The following SPIDR variants were observed in gnomAD, a reference collection of about 807,000 sequenced individuals.
The protein encoded by SPIDR is scaffold protein involved in DNA repair.
Under a neutral mutation model 104.6 loss-of-function variants are expected in SPIDR, and 93 were observed. That is an observed-to-expected ratio of 0.89 (90% CI 0.75 to 1.06). The LOEUF is 1.06. Ranked by LOEUF, SPIDR falls within the 50% of genes least tolerant of loss-of-function variation. The pLI is 0.00. For missense variants in SPIDR, 1,154 were observed against 1,111.2 expected (o/e 1.04, Z -0.55); for synonymous variants, 431 against 416.9 (o/e 1.03, Z -0.41).
At chr8:47,371,488 G>A (rs1030127581) in intron 5 of SPIDR, among the ~76,000 whole-genome samples, 1 of 152,076 alleles carries the variant, frequency 6.6e-6, no homozygotes, top group Non-Finnish European at 1.5e-5. Context: ...TTCTGGTGAG[G>A]GCCCTTTTCC....
chr8:47,697,576 G>A (rs533850175), intron 11 of SPIDR, among the ~76,000 whole-genome samples: 100 of 152,250 alleles, frequency 6.6e-4, no homozygotes, highest in African/African-American at 2.0e-3. Flanking sequence ...CCCTCCTCCC[G>A]CCTCCAGGAG....
intron 11 of SPIDR, among the ~76,000 whole-genome samples, chr8:47,695,797 A>G (rs781392854): frequency 3.3e-5 from 5 of 152,264 alleles, no homozygotes; most frequent in Non-Finnish European, 5.9e-5. Flanking sequence ...AACACCAGCT[A>G]TAATGAGGCC....
chr8:47,402,078 T>C (rs1358784254), intron 6 of SPIDR, among the ~76,000 whole-genome samples: 4 of 152,186 alleles, frequency 2.6e-5, no homozygotes, highest in Non-Finnish European at 5.9e-5. Flanking sequence ...CACCACATAG[T>C]TGGAAGTAAA....
At chr8:47,580,019 C>T (rs780855661) in intron 8 of SPIDR, among the ~76,000 whole-genome samples, 2 of 152,188 alleles carry the variant, frequency 1.3e-5, no homozygotes, top group African/African-American at 4.8e-5. Context: ...TATTTAACCT[C>T]CTCCGAAGAT....
Position 47,677,420 on chromosome 8 carries a change from G to A in SPIDR, c.1685+3479G>A, listed in dbSNP as rs184347272. Among the ~76,000 whole-genome samples the A allele has an allele frequency of 2.6e-5, 4 of 152,256 alleles. No homozygotes were observed. The East Asian group carries it at 7.7e-4, about 29-fold the overall frequency. ...TAACAAATTATTTTGTGGGGAGTGG[G>A]GAAAGGAGACCTCTTTCAGTTCAAA... On this transcript the variant is annotated intron_variant, in intron 11 of 19. Transcript: ENST00000297423.
Position 47,483,129 on chromosome 8 carries a change from T to G in SPIDR, c.1097+42587T>G, listed in dbSNP as rs186170962. 1.9e-4 allele frequency among the ~76,000 whole-genome samples: 28 copies of G among 143,600 alleles called. 1 individual carries two copies. Among genetic ancestry groups the G allele is most frequent in the African/African-American group, 6.4e-4 (26 of 40,354 alleles). The allele number at this position is 143,600 out of a possible 152,430, so 94.2% of individuals were successfully genotyped here. On this transcript the variant is annotated intron_variant, in intron 8 of 19. Coordinates refer to ENST00000297423, the MANE Select transcript of SPIDR (RefSeq NM_001080394.4). Reference sequence around the variant, plus strand: ...CATTCAGAGAGTCATAGCTACTTGGTTTTTTTTTGTTTGTTTTGTTTTGTT... The same window carrying G: ...CATTCAGAGAGTCATAGCTACTTGGGTTTTTTTTGTTTGTTTTGTTTTGTT...
chr8:47,496,900 T>C (rs1376980178), intron 8 of SPIDR, among the ~76,000 whole-genome samples: 3 of 152,098 alleles, frequency 2.0e-5, no homozygotes, highest in African/African-American at 7.2e-5. Flanking sequence ...TTTATTCAGA[T>C]TTTTAATTTC....
intron 8 of SPIDR, among the ~76,000 whole-genome samples, chr8:47,483,138 G>GTTTGTTTTGTTTTGT (rs150219948): frequency 6.6e-6 from 1 of 150,896 alleles, no homozygotes; most frequent in Non-Finnish European, 1.5e-5. Flanking sequence ...GTTTTTTTTT[G>GTTTGTTTTGTTTTGT]TTTGTTTTGT....
At chr8:47,475,785 TTATC>T (rs2076217648) in intron 8 of SPIDR, among the ~76,000 whole-genome samples, 1 of 152,228 alleles carries the variant, frequency 6.6e-6, no homozygotes. Flanking sequence ...TAAGGTTTCT[TTATC>T]TAAACCAATA....
chr8:47,288,657 A>T (rs1341510250), intron 3 of SPIDR, among the ~76,000 whole-genome samples: 1 of 152,196 alleles, frequency 6.6e-6, no homozygotes, highest in Admixed American at 6.5e-5. Context: ...GCAAGTACTC[A>T]GTTTATTTTA....
At chr8:47,267,210 C>T (rs868913082) in intron 1 of SPIDR, among the ~76,000 whole-genome samples, 9 of 151,702 alleles carry the variant, frequency 5.9e-5, no homozygotes, top group Admixed American at 2.0e-4. Context: ...AATTGAGATC[C>T]GGTCTCATTA....
intron 5 of SPIDR, among the ~76,000 whole-genome samples, chr8:47,322,612 C>T (rs1563614359): frequency 2.0e-5 from 3 of 152,170 alleles, no homozygotes; most frequent in African/African-American, 7.2e-5. Context: ...GATTATAAAT[C>T]ATGCTGCTAT....
chr8:47,689,151 A>G lies in SPIDR; in HGVS notation c.1686-11252A>G, dbSNP rs372879187. On this transcript the variant is annotated intron_variant, in intron 11 of 19. Transcript: ENST00000297423. ...GTACCAATTTTTGGAGGGGGAGCGG[A>G]TAGCATTCCCAAAGTGGGACTGCCT... Among the ~76,000 whole-genome samples, 28 of 152,302 alleles carry G rather than the reference A, an allele frequency of 1.8e-4. 1 individual carries two copies. Among genetic ancestry groups the G allele is most frequent in the African/African-American group, 6.5e-4 (27 of 41,558 alleles).
chr8:47,687,451 T>C (rs1480837360), intron 11 of SPIDR, among the ~76,000 whole-genome samples: 1 of 152,264 alleles, frequency 6.6e-6, no homozygotes, highest in Non-Finnish European at 1.5e-5. Context: ...TTGTTTCTGG[T>C]GTTTACCACT....
At chr8:47,280,228 T>A (rs895059773) in intron 2 of SPIDR, among the ~76,000 whole-genome samples, 86 of 151,838 alleles carry the variant, frequency 5.7e-4, no homozygotes, top group Middle Eastern at 3.4e-3. Context: ...TTTTTTATTT[T>A]TTTTTTATTT....
chr8:47,364,836 G>A (rs527989693), intron 5 of SPIDR, among the ~76,000 whole-genome samples: 1 of 152,114 alleles, frequency 6.6e-6, no homozygotes, highest in African/African-American at 2.4e-5. Context: ...TGTAAATCCT[G>A]TGGAGTCTCA....
intron 10 of SPIDR, among the ~76,000 whole-genome samples, chr8:47,669,632 A>G (rs2075530140): frequency 6.6e-6 from 1 of 152,204 alleles, no homozygotes; most frequent in African/African-American, 2.4e-5. Context: ...CCTTCTCAAC[A>G]CAATCAAAAA....
In SPIDR at chr8:47,625,886, A is replaced by T. The variant is rs1322119501; in HGVS notation, c.1544+26690A>T. Among the ~76,000 whole-genome samples the T allele has an allele frequency of 4.6e-5, 7 of 152,208 alleles. No homozygotes were observed. In the East Asian group the frequency reaches 1.2e-3, roughly 25 times the overall value. ...TTTCTTCACAGAATTGGAAAAAACT[A>T]CTTGAAAGTTCATATGGAACCAAAA... On this transcript the variant is annotated intron_variant, in intron 10 of 19. Transcript: ENST00000297423.
intron 1 of SPIDR, among the ~76,000 whole-genome samples, chr8:47,263,140 ACAG>A (rs1416558424): frequency 6.6e-6 from 1 of 152,254 alleles, no homozygotes; most frequent in Non-Finnish European, 1.5e-5. Context: ...CTAAGGTCAC[ACAG>A]CAGTTAAGGG....
Sources: allele counts gnomAD v4.1 joint callset (sites outside exome capture counted in the v4.1 genomes callset), GRCh38; gene constraint gnomAD v4.1.1; transcripts MANE v1.5; gene names NCBI Gene and HGNC (gene_info 2026-07-23, HGNC 2026-07-21).